The following NBEA variants were observed in gnomAD, a reference collection of about 807,000 sequenced individuals.
NBEA encodes the protein neurobeachin, also known as lysosomal-trafficking regulator 2.
In NBEA, 44 loss-of-function variants were observed where a neutral mutation model predicts 343.4. The observed-to-expected ratio is 0.13, with a 90% CI of 0.10 to 0.16. The LOEUF (loss-of-function observed/expected upper bound fraction) is 0.16, where lower values mean the gene tolerates loss of function less well. Ranked by LOEUF, NBEA falls within the 10% of genes least tolerant of loss-of-function variation. NBEA has a pLI of 1.00. For synonymous variants in NBEA, 1,175 were observed against 1,238.7 expected (o/e 0.95, Z 1.08); for missense variants, 2,555 against 3,631.3 (o/e 0.70, Z 7.62).
chr13:35,472,255 T>A, intron 40 of NBEA, 145 bp from the exon 41 acceptor site: 1 of 776,974 alleles, frequency 1.3e-6, no homozygotes. Context: ...AGTCCTTATC[T>A]TACGTGAAAA....
chr13:35,047,498 A>G (rs965518584), intron 4 of NBEA, among the ~76,000 whole-genome samples: 9 of 152,044 alleles, frequency 5.9e-5, no homozygotes, highest in Non-Finnish European at 1.2e-4. Flanking sequence ...GAGGAAACAT[A>G]TTAGTCTGCT....
At chr13:35,274,785 A>C (rs2034456096) in intron 34 of NBEA, among the ~76,000 whole-genome samples, 1 of 152,212 alleles carries the variant, frequency 6.6e-6, no homozygotes, top group South Asian at 2.1e-4. Context: ...ATACCTAGAA[A>C]TACAACTTAT....
chr13:35,377,085 A>G (rs992139575), intron 38 of NBEA, among the ~76,000 whole-genome samples: 13 of 152,238 alleles, frequency 8.5e-5, no homozygotes, highest in Admixed American at 7.9e-4. Context: ...GTGTTCTGCA[A>G]TATTTTATTT....
At chr13:35,138,996 T>C (rs886480252) in intron 17 of NBEA, among the ~76,000 whole-genome samples, 1 of 151,858 alleles carries the variant, frequency 6.6e-6, no homozygotes, top group African/African-American at 2.4e-5. Context: ...GGGTTTCTTT[T>C]CTTTCTTTAT....
At chr13:35,319,509 C>T (rs1232052726) in intron 36 of NBEA, among the ~76,000 whole-genome samples, 1 of 152,092 alleles carries the variant, frequency 6.6e-6, no homozygotes, top group Non-Finnish European at 1.5e-5. Context: ...TATTTTACTT[C>T]CAATTATGCA....
intron 52 of NBEA, 77 bp downstream of exon 52, chr13:35,649,924 GGGAT>G: frequency 1.6e-6 from 1 of 613,202 alleles, no homozygotes; most frequent in Non-Finnish European, 2.4e-6. Context: ...TACTGGGACT[GGGAT>G]TAGCTCATAT....
intron 40 of NBEA, among the ~76,000 whole-genome samples, chr13:35,466,801 A>G (rs1376285077): frequency 6.6e-6 from 1 of 152,116 alleles, no homozygotes; most frequent in Non-Finnish European, 1.5e-5. Flanking sequence ...TCAAAATACC[A>G]TTGCTCTGAA....
In NBEA at chr13:35,044,954, A is replaced by G. The variant is rs2062793946; in HGVS notation, c.534A>G (p.Leu178=). The change falls in exon 3 of 59, where the codon CTA becomes CTG. Residue 178 remains leucine, a synonymous_variant. Coordinates refer to ENST00000379939, the MANE Select transcript of NBEA (RefSeq NM_001385012.1). The part of the protein sequence containing the change: ...SAVDDMIADL[L]VDMLGVLASY... Reference sequence around the variant, plus strand: ...CTTTATTTTCCTTTGAAGATCTTCTAGTTGATATGTTGGGGGTTCTTGCCA... The same window carrying G: ...CTTTATTTTCCTTTGAAGATCTTCTGGTTGATATGTTGGGGGTTCTTGCCA... 6 of 1,609,394 alleles carry G rather than the reference A, an allele frequency of 3.7e-6. No homozygotes were observed. The East Asian group carries it at 1.1e-4, about 30-fold the overall frequency.
chr13:35,034,765 G>A (rs2062376737), intron 1 of NBEA, among the ~76,000 whole-genome samples: 1 of 151,798 alleles, frequency 6.6e-6, no homozygotes, highest in African/African-American at 2.4e-5. Context: ...CTTGGTACTT[G>A]TATGTGTGGA....
intron 6 of NBEA, among the ~76,000 whole-genome samples, chr13:35,054,643 C>CTTTTTTTTTTTTTTTTTTT (rs1186551019): frequency 8.5e-5 from 10 of 117,448 alleles, no homozygotes; most frequent in Non-Finnish European, 1.4e-4. Flanking sequence ...GTTTTCTTTT[C>CTTTTTTTTTTTTTTTTTTT]TTTTTTTTTT....
At chr13:35,438,363 A>G (rs2045552738) in intron 39 of NBEA, among the ~76,000 whole-genome samples, 1 of 152,186 alleles carries the variant, frequency 6.6e-6, no homozygotes, top group African/African-American at 2.4e-5. Flanking sequence ...GTAATGTGCT[A>G]TTTTCAGCCA....
intron 23 of NBEA, among the ~76,000 whole-genome samples, chr13:35,162,915 T>G (rs1294905774): frequency 6.6e-6 from 1 of 152,184 alleles, no homozygotes; most frequent in Non-Finnish European, 1.5e-5. Flanking sequence ...TTTGATTTTA[T>G]TTGATCAATT....
intron 48 of NBEA, among the ~76,000 whole-genome samples, chr13:35,623,153 C>G (rs1361018291): frequency 2.0e-5 from 3 of 152,152 alleles, no homozygotes; most frequent in Admixed American, 2.0e-4. Context: ...ACCATTATGA[C>G]ACTAATAGCT....
At chr13:35,031,440 G>C (rs1470123590) in intron 1 of NBEA, among the ~76,000 whole-genome samples, 2 of 151,646 alleles carry the variant, frequency 1.3e-5, no homozygotes, top group Non-Finnish European at 3.0e-5. Flanking sequence ...GGAAACATAA[G>C]ACTTAAGCTT....
chr13:35,476,224 G>T lies in NBEA; in HGVS notation c.6585+3688G>T, dbSNP rs2075858074. Reference sequence around the variant, plus strand: ...GGCTGCTAGAGCTGGAGCCAACTTCGGTGGAGAAACGGGCCGCAACACTCA... The same window carrying T: ...GGCTGCTAGAGCTGGAGCCAACTTCTGTGGAGAAACGGGCCGCAACACTCA... On this transcript the variant is annotated intron_variant, in intron 41 of 58. Transcript: ENST00000379939. The T allele has an allele frequency of 6.9e-6, 11 of 1,598,710 alleles. 1 individual carries two copies. The South Asian group carries it at 7.7e-5, about 11-fold the overall frequency.
At chr13:35,448,856 G>A (rs941204519) in intron 39 of NBEA, among the ~76,000 whole-genome samples, 1 of 152,194 alleles carries the variant, frequency 6.6e-6, no homozygotes, top group South Asian at 2.1e-4. Flanking sequence ...TGGGACTGAG[G>A]ACAGACACAT....
chr13:34,999,047 G>A (rs931008655), intron 1 of NBEA, among the ~76,000 whole-genome samples: 1 of 152,070 alleles, frequency 6.6e-6, no homozygotes, highest in Non-Finnish European at 1.5e-5. Context: ...GCTTCAGCTG[G>A]TCCCTCCGTT....
At chr13:35,230,631 T>G (rs953827732) in intron 33 of NBEA, among the ~76,000 whole-genome samples, 2 of 152,092 alleles carry the variant, frequency 1.3e-5, no homozygotes, top group African/African-American at 4.8e-5. Flanking sequence ...TTCTAGAGAT[T>G]TGAAGGAATT....
At chr13:35,196,623 A>G (rs2072623486) in intron 31 of NBEA, among the ~76,000 whole-genome samples, 1 of 152,114 alleles carries the variant, frequency 6.6e-6, no homozygotes, top group East Asian at 1.9e-4. Context: ...TTTCATGTAC[A>G]TAATGGGGAA....
Sources: allele counts gnomAD v4.1 joint callset (sites outside exome capture counted in the v4.1 genomes callset), GRCh38; gene constraint gnomAD v4.1.1; transcripts MANE v1.5; gene names NCBI Gene and HGNC (gene_info 2026-07-23, HGNC 2026-07-21).